Variants in EPHA6 observed in about 807,000 individuals in gnomAD.
EPHA6 encodes the protein ephrin type-A receptor 6.
EPHA6 carries 50 observed loss-of-function variants against 112.0 expected under a neutral mutation model. That is an observed-to-expected ratio of 0.45 (90% CI 0.36 to 0.56). The LOEUF is 0.56. Ranked by LOEUF, EPHA6 falls within the 20% of genes least tolerant of loss-of-function variation. EPHA6 has a pLI of 0.00. For missense variants in EPHA6, 1,280 were observed against 1,417.4 expected, an observed-to-expected ratio of 0.90 and a Z score of 1.56; for synonymous variants, 529 against 490.7, an observed-to-expected ratio of 1.08 and a Z score of -1.03.
chr3:97,605,722 G>A (rs1560183719), intron 12 of EPHA6, among the ~76,000 whole-genome samples: 1 of 151,694 alleles, frequency 6.6e-6, no homozygotes, highest in East Asian at 1.9e-4. Context: ...AATTGCCTTG[G>A]CTATCTGGGT....
chr3:97,357,650 C>T (rs532227289), intron 5 of EPHA6, among the ~76,000 whole-genome samples: 112 of 152,266 alleles, frequency 7.4e-4, no homozygotes, highest in African/African-American at 2.6e-3. Flanking sequence ...CACTAACCCC[C>T]CATGCAGTTG....
At chr3:97,010,666 AT>A (rs1173248754) in intron 3 of EPHA6, among the ~76,000 whole-genome samples, 1 of 151,838 alleles carries the variant, frequency 6.6e-6, no homozygotes, top group Non-Finnish European at 1.5e-5. Context: ...TTATTTATTT[AT>A]TTATTTATTT....
chr3:96,961,498 G>C (rs2041947618), intron 2 of EPHA6, among the ~76,000 whole-genome samples: 2 of 152,130 alleles, frequency 1.3e-5, no homozygotes, highest in South Asian at 4.1e-4. Context: ...TTGGAGGTTG[G>C]CTAAATTGAG....
At chr3:97,357,161 T>C (rs1485897439) in intron 5 of EPHA6, among the ~76,000 whole-genome samples, 1 of 152,182 alleles carries the variant, frequency 6.6e-6, no homozygotes, top group Non-Finnish European at 1.5e-5. Flanking sequence ...TCAATCTATA[T>C]CTTTGGATTT....
chr3:97,015,574 A>T (rs2107960220), intron 3 of EPHA6, among the ~76,000 whole-genome samples: 2 of 152,356 alleles, frequency 1.3e-5, no homozygotes, highest in Non-Finnish European at 2.9e-5. Flanking sequence ...TGTTAAAAAG[A>T]ATATATATAC....
chr3:97,186,011 A>G (rs1576640754), intron 3 of EPHA6, among the ~76,000 whole-genome samples: 2 of 142,340 alleles, frequency 1.4e-5, no homozygotes, highest in Non-Finnish European at 1.5e-5. Flanking sequence ...GAATTGAACA[A>G]TGAGAACACA....
At chr3:97,381,476 T>G (rs60201836) in intron 5 of EPHA6, among the ~76,000 whole-genome samples, 18,318 of 152,004 alleles carry the variant, frequency 0.12, 3,540 homozygotes, top group African/African-American at 0.4. Flanking sequence ...ACAATTCAAA[T>G]TAAAGAAAAT....
intron 12 of EPHA6, among the ~76,000 whole-genome samples, chr3:97,599,493 A>G (rs924256102): frequency 6.9e-6 from 1 of 145,598 alleles, no homozygotes; most frequent in African/African-American, 2.6e-5. Context: ...ATGGCTAGCC[A>G]GTTTTCCCAG....
chr3:97,492,314 G>A (rs1175339936), intron 10 of EPHA6, among the ~76,000 whole-genome samples: 5 of 151,614 alleles, frequency 3.3e-5, no homozygotes, highest in Non-Finnish European at 5.9e-5. Context: ...AGGCCGAGGC[G>A]TGCAGATCAT....
chr3:97,572,167 T>C (rs1390463378), intron 11 of EPHA6, among the ~76,000 whole-genome samples: 3 of 150,018 alleles, frequency 2.0e-5, no homozygotes, highest in South Asian at 2.1e-4. Flanking sequence ...TTTTTTTTTT[T>C]TGAGACGGAG....
chr3:96,889,724 A>G (rs912030223), intron 2 of EPHA6, among the ~76,000 whole-genome samples: 3 of 152,206 alleles, frequency 2.0e-5, no homozygotes, highest in African/African-American at 4.8e-5. Flanking sequence ...AGAATAGCTA[A>G]GGAAATCTGA....
chr3:97,224,113 TG>T (rs1169319110), intron 3 of EPHA6, among the ~76,000 whole-genome samples: 1 of 152,160 alleles, frequency 6.6e-6, no homozygotes, highest in Non-Finnish European at 1.5e-5. Context: ...TTGGATATAT[TG>T]GGTTAAATAA....
intron 5 of EPHA6, among the ~76,000 whole-genome samples, chr3:97,346,625 T>C (rs1299905368): frequency 6.6e-6 from 1 of 152,014 alleles, no homozygotes; most frequent in Non-Finnish European, 1.5e-5. Flanking sequence ...CATACTCTTC[T>C]GTTTTACAAA....
chr3:97,625,945 C>A lies in EPHA6; in HGVS notation c.2575-11928C>A, dbSNP rs559564938. On this transcript the variant is annotated intron_variant, in intron 13 of 17. Transcript: ENST00000389672. ...TCTAGATAGCTTTATGAGGAACATG[C>A]ATAAATTGAAGGAAATGATGCCTGA... Among the ~76,000 whole-genome samples, 7 of 151,696 alleles carry A rather than the reference C, an allele frequency of 4.6e-5. No individual in the cohort carries two copies. In the East Asian group the frequency reaches 1.2e-3, roughly 25 times the overall value.
chr3:97,312,013 A>G (rs2081587841), intron 5 of EPHA6, among the ~76,000 whole-genome samples: 1 of 151,570 alleles, frequency 6.6e-6, no homozygotes, highest in Non-Finnish European at 1.5e-5. Context: ...AATGTTTTGT[A>G]TATTTAATGT....
chr3:97,195,017 A>G (rs537312160), intron 3 of EPHA6, among the ~76,000 whole-genome samples: 23 of 151,788 alleles, frequency 1.5e-4, no homozygotes, highest in African/African-American at 5.1e-4. Flanking sequence ...TTGTTTTTTA[A>G]TCCATTCAGG....
chr3:96,883,638 G>A (rs1271198554), intron 2 of EPHA6, among the ~76,000 whole-genome samples: 2 of 152,024 alleles, frequency 1.3e-5, no homozygotes, highest in African/African-American at 4.8e-5. Context: ...CATGTGGCTA[G>A]CCAGTTATCT....
intron 2 of EPHA6, among the ~76,000 whole-genome samples, chr3:96,947,983 A>C (rs1446553087): frequency 6.6e-6 from 1 of 152,148 alleles, no homozygotes; most frequent in African/African-American, 2.4e-5. Flanking sequence ...GCATCACGCT[A>C]CCTGACTTGA....
chr3:97,300,833 T>A (rs74462448), intron 5 of EPHA6, among the ~76,000 whole-genome samples: 3,057 of 147,454 alleles, frequency 0.021, 81 homozygotes, highest in African/African-American at 0.066. Flanking sequence ...AAAGGAAATT[T>A]AAAAAAAAAA....
Sources: gnomAD v4.1 joint callset for allele counts (sites outside exome capture counted in the v4.1 genomes callset) on GRCh38, gnomAD v4.1.1 for gene constraint, MANE v1.5 for transcripts, NCBI Gene and HGNC (gene_info 2026-07-23, HGNC 2026-07-21) for gene names.